The following EPG5 variants were observed in gnomAD, a reference collection of about 807,000 sequenced individuals.
EPG5 encodes the protein ectopic P-granules 5 autophagy tethering factor.
Under a neutral mutation model 302.7 loss-of-function variants are expected in EPG5, and 159 were observed. The observed-to-expected ratio is 0.53, with a 90% CI of 0.46 to 0.60. EPG5 has a LOEUF of 0.60. Among genes scored for constraint, EPG5 ranks in the 20% least tolerant of loss-of-function variants. The pLI is 0.00. For synonymous variants in EPG5, 1,158 were observed against 1,136.8 expected, an observed-to-expected ratio of 1.02 and a Z score of -0.37; for missense variants, 2,896 against 3,092.4, an observed-to-expected ratio of 0.94 and a Z score of 1.51.
At chr18:45,834,588 T>C in the EPG5 span, among the ~76,000 whole-genome samples, 1 of 152,186 alleles carries the variant, frequency 6.6e-6, no homozygotes, top group African/African-American at 2.4e-5. Flanking sequence ...TTCATGCCCA[T>C]CTTTACGGCA....
chr18:45,946,333 C>T lies in EPG5; in HGVS notation c.1677+330G>A, dbSNP rs76602365. ...ACTATATAAAAAAACTCCTAATATA[C>T]ATCTTATGTAATATGACTTTAATTT... On this transcript the variant is annotated intron_variant, in intron 7 of 43. Transcript: ENST00000282041. Among the ~76,000 whole-genome samples the T allele has an allele frequency of 4.0e-3, 603 of 152,294 alleles. 8 individuals are homozygous for T. The highest frequency in any genetic ancestry group is 0.014 in the African/African-American group (580 of 41,558).
the EPG5 span, chr18:45,825,692 G>T: frequency 6.2e-7 from 1 of 1,608,704 alleles, no homozygotes; most frequent in South Asian, 1.1e-5. Flanking sequence ...AGGTGGCCGA[G>T]AGCGGGTCTG....
At chr18:45,937,098 T>C (rs1405604194) in intron 10 of EPG5, among the ~76,000 whole-genome samples, 2 of 151,890 alleles carry the variant, frequency 1.3e-5, no homozygotes, top group Non-Finnish European at 2.9e-5. Context: ...TGGGACCTGA[T>C]GCTGTTTTAT....
At chr18:45,937,239 C>CACAT (rs2050552010) in intron 10 of EPG5, among the ~76,000 whole-genome samples, 1 of 59,052 alleles carries the variant, frequency 1.7e-5, no homozygotes, top group South Asian at 5.2e-4. Context: ...TATATATACA[C>CACAT]ACACACACAC....
chr18:45,889,513 T>G (rs945642995), intron 28 of EPG5, among the ~76,000 whole-genome samples: 2 of 152,168 alleles, frequency 1.3e-5, no homozygotes, highest in Admixed American at 6.5e-5. Context: ...TAGGGCCAGA[T>G]AGTTAATATT....
At chr18:45,902,162 G>C (rs1388333698) in intron 25 of EPG5, among the ~76,000 whole-genome samples, 1 of 152,166 alleles carries the variant, frequency 6.6e-6, no homozygotes, top group African/African-American at 2.4e-5. Flanking sequence ...TATTCTTGTT[G>C]AGAAAAATTA....
intron 7 of EPG5, among the ~76,000 whole-genome samples, chr18:45,945,798 C>T (rs529085633): frequency 5.0e-4 from 76 of 152,294 alleles, no homozygotes; most frequent in South Asian, 1.7e-3. Context: ...TCATTTACCA[C>T]CACCTGACCA....
chr18:45,964,963 A>G (rs1409853589), intron 1 of EPG5, among the ~76,000 whole-genome samples: 1 of 152,172 alleles, frequency 6.6e-6, no homozygotes, highest in Non-Finnish European at 1.5e-5. Flanking sequence ...CAAAATAAAT[A>G]AATAAAATTC....
intron 11 of EPG5, among the ~76,000 whole-genome samples, chr18:45,932,223 G>GA (rs1184377904): frequency 4.6e-5 from 7 of 151,986 alleles, no homozygotes; most frequent in African/African-American, 1.7e-4. Flanking sequence ...TAACTCTATA[G>GA]AAAAAACAAT....
At chr18:45,807,743 G>T in the EPG5 span, among the ~76,000 whole-genome samples, 1 of 152,156 alleles carries the variant, frequency 6.6e-6, no homozygotes, top group Non-Finnish European at 1.5e-5. Context: ...GACTTCAGCC[G>T]TAGACCTTCC....
At chr18:45,858,134 G>T in intron 41 of EPG5, 66 bp from the exon 42 acceptor site, 1 of 1,180,762 alleles carries the variant, frequency 8.5e-7, no homozygotes, top group Non-Finnish European at 1.2e-6. Context: ...TTAACTGCAA[G>T]TCCACATCAG....
the EPG5 span, among the ~76,000 whole-genome samples, chr18:45,813,440 C>A: frequency 6.6e-6 from 1 of 152,206 alleles, no homozygotes; most frequent in African/African-American, 2.4e-5. Flanking sequence ...GATTATAAAT[C>A]ATGCTGCTAT....
the EPG5 span, among the ~76,000 whole-genome samples, chr18:45,805,500 G>C: frequency 6.7e-6 from 1 of 150,110 alleles, no homozygotes; most frequent in Non-Finnish European, 1.5e-5. Flanking sequence ...CAAATAAAAT[G>C]GTGTATCAAA....
At chr18:45,943,686 C>T (rs1465601123) in intron 8 of EPG5, among the ~76,000 whole-genome samples, 2 of 152,100 alleles carry the variant, frequency 1.3e-5, no homozygotes, top group East Asian at 3.9e-4. Flanking sequence ...CTTTGGGAGG[C>T]GGAGACGGGC....
chr18:45,878,953 A>T, intron 33 of EPG5, 60 bp downstream of exon 33: 2 of 1,365,262 alleles, frequency 1.5e-6, no homozygotes, highest in Non-Finnish European at 2.1e-6. Flanking sequence ...GTGCCTATTT[A>T]AATCTCTCTT....
At chr18:45,960,094 C>T (rs1300589835) in intron 1 of EPG5, among the ~76,000 whole-genome samples, 1 of 152,128 alleles carries the variant, frequency 6.6e-6, no homozygotes, top group Non-Finnish European at 1.5e-5. Context: ...GCCTGGGCAA[C>T]ACAGGGAGAT....
chr18:45,827,736 A>T, the EPG5 span, among the ~76,000 whole-genome samples: 1 of 152,118 alleles, frequency 6.6e-6, no homozygotes, highest in Non-Finnish European at 1.5e-5. Context: ...TGGCCATGAA[A>T]CCTTGCCAAA....
chr18:45,925,958 T>G, intron 13 of EPG5, 56 bp from the exon 14 acceptor site: 1 of 1,057,168 alleles, frequency 9.5e-7, no homozygotes, highest in Non-Finnish European at 1.2e-6. Context: ...AATGCTATAT[T>G]ACTACAATAT....
the EPG5 span, among the ~76,000 whole-genome samples, chr18:45,810,921 T>A: frequency 6.6e-6 from 1 of 152,254 alleles, no homozygotes; most frequent in South Asian, 2.1e-4. Flanking sequence ...AATCACATAA[T>A]CATCTCAATA....
Sources: gnomAD v4.1 joint callset for allele counts (sites outside exome capture counted in the v4.1 genomes callset) on GRCh38, gnomAD v4.1.1 for gene constraint, MANE v1.5 for transcripts, NCBI Gene and HGNC (gene_info 2026-07-23, HGNC 2026-07-21) for gene names.